The following ERBB4 variants were observed in gnomAD, a reference collection of about 807,000 sequenced individuals.
The protein encoded by ERBB4 is erb-b2 receptor tyrosine kinase 4.
A neutral mutation model predicts 158.0 loss-of-function variants in ERBB4; 42 were observed. The observed-to-expected ratio is 0.27, with a 90% CI of 0.21 to 0.34. The LOEUF (loss-of-function observed/expected upper bound fraction) is 0.34, where lower values mean the gene tolerates loss of function less well. Among genes scored for constraint, ERBB4 ranks in the 10% least tolerant of loss-of-function variants. ERBB4 has a pLI of 1.00. For synonymous variants in ERBB4, 583 were observed against 558.7 expected, an observed-to-expected ratio of 1.04 and a Z score of -0.61; for missense variants, 1,333 against 1,624.1, an observed-to-expected ratio of 0.82 and a Z score of 3.08.
chr2:211,730,102 T>TA (rs2074382775), intron 5 of ERBB4, among the ~76,000 whole-genome samples: 1 of 151,896 alleles, frequency 6.6e-6, no homozygotes, highest in African/African-American at 2.4e-5. Context: ...CAAAAAATAT[T>TA]AAAAAATCAT....
chr2:211,817,437 C>G (rs1000510912), intron 3 of ERBB4, among the ~76,000 whole-genome samples: 4 of 152,280 alleles, frequency 2.6e-5, no homozygotes, highest in Non-Finnish European at 4.4e-5. Flanking sequence ...TATTACTCTA[C>G]TCAATATCAA....
At chr2:212,391,707 TATATTGACATATATATTATATATA>T (rs1303522495) in intron 1 of ERBB4, among the ~76,000 whole-genome samples, 1 of 87,804 alleles carries the variant, frequency 1.1e-5, no homozygotes, top group East Asian at 2.2e-4. Flanking sequence ...ATATATTATA[TATATTGACATATATATTATATATA>T]TGACATATAT....
At chr2:212,058,168 A>G (rs1394118078) in intron 2 of ERBB4, among the ~76,000 whole-genome samples, 3 of 152,184 alleles carry the variant, frequency 2.0e-5, no homozygotes, top group Non-Finnish European at 2.9e-5. Context: ...ACAACTCTAC[A>G]CAAATAAACT....
intron 1 of ERBB4, among the ~76,000 whole-genome samples, chr2:212,161,853 T>C (rs1299887657): frequency 1.3e-5 from 2 of 151,872 alleles, no homozygotes; most frequent in Non-Finnish European, 2.9e-5. Flanking sequence ...GAATTGGGAC[T>C]AATTTTTATC....
intron 20 of ERBB4, among the ~76,000 whole-genome samples, chr2:211,539,033 A>G (rs1417428560): frequency 2.0e-5 from 3 of 151,958 alleles, no homozygotes; most frequent in Admixed American, 2.0e-4. Flanking sequence ...CTCCAGATAC[A>G]TGAAACTTGA....
chr2:211,380,634 G>C lies in ERBB4; in HGVS notation c.*2981C>G, dbSNP rs1266598946. On this transcript the variant is annotated 3_prime_UTR_variant, in exon 28 of 28. Coordinates refer to ENST00000342788, the MANE Select transcript of ERBB4 (RefSeq NM_005235.3). ...TACATGCTGAAATATGTTTTCCCAG[G>C]GGGGACAAAAATAAAACAAAAAACA... 1 of 231,672 alleles carries C rather than the reference G, an allele frequency of 4.3e-6. No individual in the cohort carries two copies. The highest frequency in any genetic ancestry group is 2.2e-5 in the African/African-American group (1 of 45,204). 14.4% of individuals were successfully genotyped at this position (231,672 alleles called of 1,614,324 possible). A position where few individuals can be genotyped will look rare whatever the true frequency, so the allele number is the denominator to read the frequency against.
intron 2 of ERBB4, among the ~76,000 whole-genome samples, chr2:212,062,399 CTTTTTTTTTTTTTTTT>C (rs199535512): frequency 1.8e-4 from 15 of 81,352 alleles, no homozygotes; most frequent in African/African-American, 4.7e-4. Context: ...CTTGTCAATT[CTTTTTTTTTTTTTTTT>C]TTTTTTTTTT....
intron 1 of ERBB4, among the ~76,000 whole-genome samples, chr2:212,149,814 G>C (rs963299855): frequency 6.6e-6 from 1 of 152,030 alleles, no homozygotes; most frequent in Non-Finnish European, 1.5e-5. Context: ...GGAGTAGACC[G>C]ACATGGCAAC....
At chr2:212,103,392 A>C (rs1290288462) in intron 2 of ERBB4, among the ~76,000 whole-genome samples, 1 of 152,140 alleles carries the variant, frequency 6.6e-6, no homozygotes, top group African/African-American at 2.4e-5. Flanking sequence ...GAAACAGGTA[A>C]AATTATTTCA....
At chr2:211,883,540 G>A (rs1199535285) in intron 3 of ERBB4, among the ~76,000 whole-genome samples, 1 of 152,144 alleles carries the variant, frequency 6.6e-6, no homozygotes, top group African/African-American at 2.4e-5. Context: ...CACTTTGGGA[G>A]GCCGAGGCGT....
rs561813167 is a variant in ERBB4, at chr2:211,509,156, G to A, written c.2487+52747C>T. The stretch of plus-strand genomic sequence containing the variant: ...AATGAGAAGACATGGACACAGGGAG[G>A]GGGGAGTATCACGCACCAGAGCCTG... On this transcript the variant is annotated intron_variant, in intron 20 of 27. Coordinates refer to ENST00000342788, the MANE Select transcript of ERBB4 (RefSeq NM_005235.3). Among the ~76,000 whole-genome samples the A allele has an allele frequency of 4.4e-3, 157 of 35,560 alleles. 3 individuals carry two copies. In the South Asian group the frequency reaches 0.096, roughly 22 times the overall value. The allele number at this position is 35,560 out of a possible 152,430, so 23.3% of individuals were successfully genotyped here.
intron 2 of ERBB4, among the ~76,000 whole-genome samples, chr2:212,079,576 T>A (rs2078374840): frequency 6.7e-6 from 1 of 150,234 alleles, no homozygotes; most frequent in Admixed American, 6.6e-5. Flanking sequence ...GTTATTGAAA[T>A]AACCATTTCA....
intron 4 of ERBB4, among the ~76,000 whole-genome samples, chr2:211,786,391 A>C (rs1356378198): frequency 6.6e-6 from 1 of 152,248 alleles, no homozygotes; most frequent in African/African-American, 2.4e-5. Flanking sequence ...CTACTATGTA[A>C]ATAATAAAAC....
chr2:212,447,814 C>T (rs1009758534), intron 1 of ERBB4, among the ~76,000 whole-genome samples: 1 of 127,194 alleles, frequency 7.9e-6, no homozygotes, highest in African/African-American at 2.9e-5. Context: ...GTGTATTCAA[C>T]ATGGGCAACT....
At chr2:212,500,980 G>GA (rs5838337) in intron 1 of ERBB4, among the ~76,000 whole-genome samples, 50,425 of 151,976 alleles carry the variant, frequency 0.33, 11,936 homozygotes, top group African/African-American at 0.68. Context: ...AGAAAAGGGG[G>GA]AAATTCATAA....
intron 1 of ERBB4, among the ~76,000 whole-genome samples, chr2:212,176,159 A>C (rs887517565): frequency 4.6e-5 from 7 of 151,956 alleles, no homozygotes; most frequent in African/African-American, 9.7e-5. Flanking sequence ...CCTCAGGCTA[A>C]CCCTTGCTGT....
At chr2:212,477,133 C>A (rs1261236788) in intron 1 of ERBB4, among the ~76,000 whole-genome samples, 1 of 151,998 alleles carries the variant, frequency 6.6e-6, no homozygotes, top group Non-Finnish European at 1.5e-5. Context: ...TAAATCTGAA[C>A]AATAATAACT....
chr2:212,027,605 T>C (rs561173364), intron 2 of ERBB4, among the ~76,000 whole-genome samples: 2 of 152,214 alleles, frequency 1.3e-5, no homozygotes, highest in African/African-American at 4.8e-5. Context: ...TCTTTATTCT[T>C]ACTCCTTGGC....
chr2:212,347,397 A>G (rs1373535115), intron 1 of ERBB4, among the ~76,000 whole-genome samples: 2 of 152,018 alleles, frequency 1.3e-5, no homozygotes, highest in Non-Finnish European at 2.9e-5. Context: ...TGTAATTTCA[A>G]AAAAAAGGGC....
Sources: gnomAD v4.1 joint callset for allele counts (sites outside exome capture counted in the v4.1 genomes callset) on GRCh38, gnomAD v4.1.1 for gene constraint, MANE v1.5 for transcripts, NCBI Gene and HGNC (gene_info 2026-07-23, HGNC 2026-07-21) for gene names.